The following CCDC178 variants were observed in gnomAD, a reference collection of about 807,000 sequenced individuals.
The protein encoded by CCDC178 is coiled-coil domain containing 178.
A neutral mutation model predicts 117.4 loss-of-function variants in CCDC178; 126 were observed. The ratio of observed to expected loss-of-function variants is 1.07; its 90% CI spans 0.93 to 1.24. The LOEUF (loss-of-function observed/expected upper bound fraction) is 1.24, where lower values mean the gene tolerates loss of function less well. Among genes scored for constraint, CCDC178 ranks in the 50% most tolerant of loss-of-function variants. The pLI is 0.00. For synonymous variants in CCDC178, 283 were observed against 313.4 expected (o/e 0.90, Z 1.02); for missense variants, 1,030 against 986.9 (o/e 1.04, Z -0.59).
intron 2 of CCDC178, among the ~76,000 whole-genome samples, chr18:33,429,261 C>A (rs952290263): frequency 2.0e-5 from 3 of 151,558 alleles, no homozygotes; most frequent in Non-Finnish European, 2.9e-5. Context: ...AAAAGATGAA[C>A]TAACGACCTG....
chr18:33,293,299 G>GAT lies in CCDC178; in HGVS notation c.1034_1035dup (p.Gln346IlefsTer14). 1.3e-6 allele frequency: 2 copies of GAT among 1,498,160 alleles called. No individual in the cohort carries two copies. The highest frequency in any genetic ancestry group is 1.2e-5 in the South Asian group (1 of 82,378). 92.8% of individuals were successfully genotyped at this position (1,498,160 alleles called of 1,614,324 possible). On this transcript the variant is annotated frameshift_variant, in exon 12 of 23. Coordinates refer to ENST00000383096, the MANE Select transcript of CCDC178 (RefSeq NM_001105528.4). LOFTEE classifies it high-confidence loss of function. ...TAATGATCAAATAGACTGTTAAGTT[G>GAT]ATATATCTCTCTCCTAGGGATAAAA...
At chr18:33,286,326 T>C (rs138446133) in intron 12 of CCDC178, among the ~76,000 whole-genome samples, 3 of 152,316 alleles carry the variant, frequency 2.0e-5, no homozygotes, top group South Asian at 2.1e-4. Flanking sequence ...AAAACACATA[T>C]ATGAATACTG....
At chr18:33,262,641 C>T (rs2059764649) in intron 14 of CCDC178, among the ~76,000 whole-genome samples, 1 of 152,116 alleles carries the variant, frequency 6.6e-6, no homozygotes, top group Non-Finnish European at 1.5e-5. Flanking sequence ...CATGCAAACA[C>T]ACACATACAC....
At chr18:32,979,283 G>A (rs1460440093) in intron 21 of CCDC178, among the ~76,000 whole-genome samples, 1 of 151,812 alleles carries the variant, frequency 6.6e-6, no homozygotes, top group African/African-American at 2.4e-5. Context: ...AGCCTCCCGA[G>A]TAGCTGGGAT....
chr18:33,101,904 G>A (rs981137002), intron 20 of CCDC178, among the ~76,000 whole-genome samples: 1 of 151,778 alleles, frequency 6.6e-6, no homozygotes, highest in Non-Finnish European at 1.5e-5. Flanking sequence ...TGTAGAAAAT[G>A]GTTAATTTTG....
chr18:33,380,484 T>C (rs2063426851), intron 5 of CCDC178, among the ~76,000 whole-genome samples: 1 of 152,200 alleles, frequency 6.6e-6, no homozygotes, highest in Non-Finnish European at 1.5e-5. Context: ...TCCCAGTGTC[T>C]TTCCCTCACA....
chr18:33,357,684 AT>A (rs751181342), intron 6 of CCDC178, among the ~76,000 whole-genome samples: 1 of 152,138 alleles, frequency 6.6e-6, no homozygotes, highest in Admixed American at 6.6e-5. Context: ...GTCATAAATT[AT>A]CAAAAATGCA....
chr18:33,196,836 TTTG>T (rs1381801869), intron 20 of CCDC178, among the ~76,000 whole-genome samples: 5 of 152,196 alleles, frequency 3.3e-5, no homozygotes, highest in African/African-American at 1.2e-4. Flanking sequence ...TGGGGAGTTT[TTTG>T]TTGTTGTTCT....
intron 3 of CCDC178, among the ~76,000 whole-genome samples, chr18:33,401,528 T>C (rs889064207): frequency 3.3e-5 from 5 of 152,190 alleles, no homozygotes; most frequent in Admixed American, 2.0e-4. Context: ...AAAATTCCAA[T>C]AGAATGTATT....
At chr18:33,401,478 C>T (rs561614084) in intron 3 of CCDC178, among the ~76,000 whole-genome samples, 15 of 152,204 alleles carry the variant, frequency 9.9e-5, no homozygotes, top group African/African-American at 3.6e-4. Flanking sequence ...ATGTTTCTGC[C>T]TTGGTGGATA....
At chr18:33,273,728 A>T (rs1354329459) in intron 12 of CCDC178, among the ~76,000 whole-genome samples, 1 of 151,716 alleles carries the variant, frequency 6.6e-6, no homozygotes, top group African/African-American at 2.4e-5. Context: ...AACTTGGATT[A>T]AAAAATATAA....
In CCDC178 at chr18:33,007,161, T is replaced by C. The variant is rs150522950; in HGVS notation, c.2389-32480A>G. Among the ~76,000 whole-genome samples, 6 of 152,162 alleles carry C rather than the reference T, an allele frequency of 3.9e-5. No individual in the cohort carries two copies. In the East Asian group the frequency reaches 1.2e-3, roughly 29 times the overall value. ...TATAGGAGATGCAGCATTTCCTACA[T>C]AGAGGCCGTGGGAATAATCTATGTT... On this transcript the variant is annotated intron_variant, in intron 21 of 22. Coordinates refer to ENST00000383096, the MANE Select transcript of CCDC178 (RefSeq NM_001105528.4).
chr18:33,216,739 C>T (rs944169630), intron 18 of CCDC178, among the ~76,000 whole-genome samples: 101 of 152,054 alleles, frequency 6.6e-4, no homozygotes, highest in African/African-American at 2.1e-3. Context: ...TGCTTTGTTT[C>T]CTTCCTTTTC....
chr18:33,255,099 C>T (rs1480067011), intron 14 of CCDC178, among the ~76,000 whole-genome samples: 2 of 152,096 alleles, frequency 1.3e-5, no homozygotes, highest in South Asian at 4.1e-4. Flanking sequence ...ACCAGGATGC[C>T]TCTCAAGTTT....
At chr18:33,211,321 A>C (rs1257851530) in intron 20 of CCDC178, among the ~76,000 whole-genome samples, 1 of 151,916 alleles carries the variant, frequency 6.6e-6, no homozygotes, top group Admixed American at 6.6e-5. Flanking sequence ...CAAAATTTAA[A>C]ATGGGATAGG....
chr18:33,090,947 G>T (rs890492858), intron 21 of CCDC178, among the ~76,000 whole-genome samples: 1 of 152,092 alleles, frequency 6.6e-6, no homozygotes. Flanking sequence ...ATGAAAATGT[G>T]ATGTTAGGGC....
intron 12 of CCDC178, among the ~76,000 whole-genome samples, chr18:33,291,384 A>C (rs2060164224): frequency 6.6e-6 from 1 of 152,156 alleles, no homozygotes; most frequent in Admixed American, 6.5e-5. Flanking sequence ...GATGACACTC[A>C]GTATATAGCA....
At chr18:33,302,314 C>T (rs960006750) in intron 11 of CCDC178, among the ~76,000 whole-genome samples, 13 of 152,110 alleles carry the variant, frequency 8.5e-5, no homozygotes, top group Admixed American at 2.0e-4. Flanking sequence ...AATTACTGAG[C>T]CTCAGGTATT....
intron 21 of CCDC178, among the ~76,000 whole-genome samples, chr18:33,076,787 A>C (rs1201341426): frequency 6.6e-6 from 1 of 152,188 alleles, no homozygotes; most frequent in Non-Finnish European, 1.5e-5. Context: ...TTCCACAGCA[A>C]GCTTTGCTTT....
Sources: gnomAD v4.1 joint callset for allele counts (sites outside exome capture counted in the v4.1 genomes callset) on GRCh38, gnomAD v4.1.1 for gene constraint, MANE v1.5 for transcripts, NCBI Gene and HGNC (gene_info 2026-07-23, HGNC 2026-07-21) for gene names.